RBMS1: variants seen among roughly 807,000 people sequenced by gnomAD.
RBMS1 encodes the protein RNA binding motif single stranded interacting protein 1, also known as RNA-binding motif, single-stranded-interacting protein 1.
A neutral mutation model predicts 62.3 loss-of-function variants in RBMS1; 17 were observed. That is an observed-to-expected ratio of 0.27 (90% CI 0.19 to 0.41). RBMS1 has a LOEUF of 0.41. RBMS1 is among the 10% of genes least tolerant of loss of function. The pLI is 1.00. For synonymous variants in RBMS1, 172 were observed against 170.0 expected, an observed-to-expected ratio of 1.01 and a Z score of -0.09; for missense variants, 334 against 504.5, an observed-to-expected ratio of 0.66 and a Z score of 3.24.
At chr2:160,449,317 C>T (rs1207903681) in intron 1 of RBMS1, among the ~76,000 whole-genome samples, 1 of 152,240 alleles carries the variant, frequency 6.6e-6, no homozygotes, top group African/African-American at 2.4e-5. Context: ...GCCACCCCAT[C>T]TGGGAGGTGT....
rs566167830 is a variant in RBMS1 at position 160,345,223 on chromosome 2, A to C, written c.251+21993T>G. On this transcript the variant is annotated intron_variant, in intron 2 of 13. Coordinates refer to ENST00000348849, the MANE Select transcript of RBMS1 (RefSeq NM_016836.4). Reference sequence around the variant, plus strand: ...AGACTAGTAGACAGAAAAACAAGACAACAGCCCAGAAAAGAGGGCTATACC... The same window carrying C: ...AGACTAGTAGACAGAAAAACAAGACCACAGCCCAGAAAAGAGGGCTATACC... 2.4e-3 allele frequency among the ~76,000 whole-genome samples: 359 copies of C among 152,266 alleles called. 1 individual carries two copies. The highest frequency in any genetic ancestry group is 8.3e-3 in the African/African-American group (343 of 41,566).
intron 1 of RBMS1, among the ~76,000 whole-genome samples, chr2:160,490,306 T>A (rs200847412): frequency 6.9e-5 from 10 of 144,010 alleles, no homozygotes; most frequent in Non-Finnish European, 7.6e-5. Flanking sequence ...CACTGAGAAA[T>A]AAAAAAAAAA....
intron 10 of RBMS1, among the ~76,000 whole-genome samples, chr2:160,280,464 A>G (rs1688046075): frequency 1.3e-5 from 2 of 152,232 alleles, no homozygotes; most frequent in African/African-American, 4.8e-5. Flanking sequence ...ATGGTCTTAC[A>G]TCGCAGTATC....
At chr2:160,434,798 A>C (rs764005252) in intron 1 of RBMS1, among the ~76,000 whole-genome samples, 11 of 152,216 alleles carry the variant, frequency 7.2e-5, no homozygotes, top group Non-Finnish European at 1.2e-4. Context: ...GGCCAGCAGG[A>C]GTCTAGAATT....
intron 6 of RBMS1, among the ~76,000 whole-genome samples, chr2:160,287,495 G>C (rs767305057): frequency 6.6e-6 from 1 of 152,144 alleles, no homozygotes; most frequent in Non-Finnish European, 1.5e-5. Context: ...ATTCCTAAGA[G>C]GGACCCTTCA....
intron 1 of RBMS1, among the ~76,000 whole-genome samples, chr2:160,488,773 T>A (rs1390253740): frequency 6.6e-6 from 1 of 152,220 alleles, no homozygotes; most frequent in Non-Finnish European, 1.5e-5. Context: ...ACACTTCCAC[T>A]TGAGAGTAAC....
chr2:160,361,457 A>G (rs1279599234), intron 2 of RBMS1, among the ~76,000 whole-genome samples: 3 of 152,224 alleles, frequency 2.0e-5, no homozygotes. Context: ...TGGCTGCAAC[A>G]ATTCTTCTGC....
Position 160,303,440 on chromosome 2 carries a change from G to C in RBMS1, c.450C>G (p.Leu150=). 1 of 1,613,412 alleles carries C rather than the reference G, an allele frequency of 6.2e-7. No individual in the cohort carries two copies. Residue 150 remains leucine, a synonymous_variant, in exon 5 of 14, where the codon CTC becomes CTG. Coordinates refer to ENST00000348849, the MANE Select transcript of RBMS1 (RefSeq NM_016836.4). ...PTNLYISNLP[L]SMDEQELENM... is the part of the protein sequence containing the mutation. The stretch of plus-strand genomic sequence containing the variant: ...TTTCTAGTTCTTGCTCATCCATGGA[G>C]AGTGGCAAATTAGAAATGTAGAGGT...
intron 2 of RBMS1, among the ~76,000 whole-genome samples, chr2:160,331,445 T>C (rs927681759): frequency 1.3e-5 from 2 of 152,328 alleles, no homozygotes; most frequent in East Asian, 3.9e-4. Flanking sequence ...AGCATCTTGG[T>C]GCAGCAATCA....
At chr2:160,344,721 A>G (rs1692081941) in intron 2 of RBMS1, among the ~76,000 whole-genome samples, 1 of 152,138 alleles carries the variant, frequency 6.6e-6, no homozygotes, top group Non-Finnish European at 1.5e-5. Flanking sequence ...GAGAACAGAG[A>G]AGAAAACCCA....
intron 1 of RBMS1, among the ~76,000 whole-genome samples, chr2:160,474,970 T>C (rs1260364961): frequency 6.6e-6 from 1 of 152,232 alleles, no homozygotes; most frequent in East Asian, 1.9e-4. Context: ...GATTGTTTTT[T>C]TCAGGTTATG....
At chr2:160,330,747 C>T (rs747901856) in intron 2 of RBMS1, among the ~76,000 whole-genome samples, 1 of 151,626 alleles carries the variant, frequency 6.6e-6, no homozygotes, top group Non-Finnish European at 1.5e-5. Flanking sequence ...TTGGGCCTTT[C>T]TGCTCACCAT....
chr2:160,346,247 C>A (rs980349818), intron 2 of RBMS1, among the ~76,000 whole-genome samples: 3 of 152,094 alleles, frequency 2.0e-5, no homozygotes. Flanking sequence ...CATGAATATG[C>A]CAGTCCAGAA....
intron 2 of RBMS1, among the ~76,000 whole-genome samples, chr2:160,361,641 G>A (rs753521548): frequency 2.6e-5 from 4 of 152,080 alleles, no homozygotes; most frequent in Admixed American, 1.3e-4. Context: ...AAAAAAGCCC[G>A]GTGTGCATAC....
At chr2:160,415,713 T>A (rs1046314043) in intron 1 of RBMS1, among the ~76,000 whole-genome samples, 5 of 152,174 alleles carry the variant, frequency 3.3e-5, no homozygotes, top group African/African-American at 1.2e-4. Context: ...AACCAATGTC[T>A]ATCCAAAACC....
intron 1 of RBMS1, among the ~76,000 whole-genome samples, chr2:160,454,029 C>A (rs571749935): frequency 2.0e-5 from 3 of 152,216 alleles, no homozygotes; most frequent in Non-Finnish European, 4.4e-5. Flanking sequence ...CAAACACAAG[C>A]CCTTGTAATG....
At chr2:160,405,742 G>C (rs1695668332) in intron 1 of RBMS1, among the ~76,000 whole-genome samples, 1 of 152,160 alleles carries the variant, frequency 6.6e-6, no homozygotes. Context: ...CAGACCAGCA[G>C]GCTACCCCCC....
At chr2:160,476,656 G>A (rs544272993) in intron 1 of RBMS1, among the ~76,000 whole-genome samples, 2 of 144,214 alleles carry the variant, frequency 1.4e-5, no homozygotes, top group Admixed American at 7.1e-5. Flanking sequence ...CCGGGTTCAC[G>A]CCATTCTCCT....
At chr2:160,379,074 C>T (rs1319726791) in intron 1 of RBMS1, among the ~76,000 whole-genome samples, 1 of 152,142 alleles carries the variant, frequency 6.6e-6, no homozygotes, top group Non-Finnish European at 1.5e-5. Flanking sequence ...CAAAAATCAG[C>T]TGGGCATGGT....
Sources: gnomAD v4.1 joint callset for allele counts (sites outside exome capture counted in the v4.1 genomes callset) on GRCh38, gnomAD v4.1.1 for gene constraint, MANE v1.5 for transcripts, NCBI Gene and HGNC (gene_info 2026-07-23, HGNC 2026-07-21) for gene names.